The following MLLT3 variants were observed in gnomAD, a reference collection of about 807,000 sequenced individuals.
MLLT3 encodes protein AF-9.
In MLLT3, 4 loss-of-function variants were observed where a neutral mutation model predicts 53.2. That is an observed-to-expected ratio of 0.08 (90% CI 0.04 to 0.17). The LOEUF is 0.17. Ranked by LOEUF, MLLT3 falls within the 10% of genes least tolerant of loss-of-function variation. MLLT3 has a pLI of 1.00. For synonymous variants in MLLT3, 283 were observed against 230.6 expected, an observed-to-expected ratio of 1.23 and a Z score of -2.06; for missense variants, 569 against 684.0, an observed-to-expected ratio of 0.83 and a Z score of 1.87.
At chr9:20,472,390 T>C (rs1030585750) in intron 2 of MLLT3, among the ~76,000 whole-genome samples, 1 of 152,048 alleles carries the variant, frequency 6.6e-6, no homozygotes, top group Non-Finnish European at 1.5e-5. Flanking sequence ...ACATCGCACA[T>C]TTATTATACA....
At chr9:20,572,578 G>A (rs192290076) in intron 2 of MLLT3, among the ~76,000 whole-genome samples, 16 of 152,324 alleles carry the variant, frequency 1.1e-4, no homozygotes, top group Non-Finnish European at 8.8e-5. Context: ...CGAATCACTT[G>A]AGGTCAGGGA....
At chr9:20,380,538 T>G (rs1226052648) in intron 5 of MLLT3, among the ~76,000 whole-genome samples, 1 of 152,060 alleles carries the variant, frequency 6.6e-6, no homozygotes, top group Non-Finnish European at 1.5e-5. Context: ...CTACAAACCT[T>G]ACTATCCACA....
chr9:20,451,519 AT>A (rs1256737915), intron 3 of MLLT3, among the ~76,000 whole-genome samples: 1 of 152,138 alleles, frequency 6.6e-6, no homozygotes, highest in African/African-American at 2.4e-5. Context: ...CCTGAGTATG[AT>A]TTTTTTAAAG....
At chr9:20,369,678 T>C (rs1821545787) in intron 5 of MLLT3, among the ~76,000 whole-genome samples, 1 of 152,206 alleles carries the variant, frequency 6.6e-6, no homozygotes, top group Admixed American at 6.5e-5. Context: ...ATGTATTTTA[T>C]TTTTAAAATG....
intron 2 of MLLT3, among the ~76,000 whole-genome samples, chr9:20,616,616 T>A (rs1456074996): frequency 6.6e-6 from 1 of 152,176 alleles, no homozygotes; most frequent in African/African-American, 2.4e-5. Context: ...TGTATAGACA[T>A]ACGTATACTT....
chr9:20,384,724 A>C (rs1311764126), intron 5 of MLLT3, among the ~76,000 whole-genome samples: 2 of 152,110 alleles, frequency 1.3e-5, no homozygotes, highest in Non-Finnish European at 2.9e-5. Flanking sequence ...CCTGAAGATC[A>C]AAAGGCCCTG....
intron 2 of MLLT3, among the ~76,000 whole-genome samples, chr9:20,463,414 C>T (rs1488970705): frequency 1.3e-5 from 2 of 151,898 alleles, no homozygotes; most frequent in African/African-American, 4.8e-5. Flanking sequence ...AATATAACAG[C>T]TATGTTAAAA....
intron 6 of MLLT3, among the ~76,000 whole-genome samples, chr9:20,363,867 C>T (rs1821385373): frequency 6.6e-6 from 1 of 151,788 alleles, no homozygotes; most frequent in South Asian, 2.1e-4. Flanking sequence ...TATTTTTCTT[C>T]CCTAAGAAAA....
intron 10 of MLLT3, among the ~76,000 whole-genome samples, chr9:20,347,301 T>C (rs545152734): frequency 1.3e-5 from 2 of 152,298 alleles, no homozygotes; most frequent in South Asian, 4.1e-4. Flanking sequence ...TTATTACTTT[T>C]AGTTGTGTTC....
intron 5 of MLLT3, among the ~76,000 whole-genome samples, chr9:20,405,710 G>A (rs1465756101): frequency 1.3e-5 from 2 of 152,168 alleles, no homozygotes; most frequent in African/African-American, 4.8e-5. Flanking sequence ...TTAACTGCAG[G>A]AATTTATTTA....
intron 2 of MLLT3, among the ~76,000 whole-genome samples, chr9:20,615,889 A>G (rs1446221988): frequency 6.7e-6 from 1 of 149,388 alleles, no homozygotes; most frequent in African/African-American, 2.4e-5. Context: ...AAAAAAAAAA[A>G]AAGAAAAGAA....
At chr9:20,367,056 G>C (rs542498840) in intron 5 of MLLT3, among the ~76,000 whole-genome samples, 37 of 152,318 alleles carry the variant, frequency 2.4e-4, no homozygotes, top group African/African-American at 8.9e-4. Flanking sequence ...TTCATAACAA[G>C]ACCCAGACAG....
chr9:20,359,580 T>G (rs983355278), intron 8 of MLLT3, among the ~76,000 whole-genome samples: 1 of 152,250 alleles, frequency 6.6e-6, no homozygotes, highest in Non-Finnish European at 1.5e-5. Flanking sequence ...CGGATTTGCA[T>G]TATAGACAAA....
chr9:20,536,789 A>G (rs1818498713), intron 2 of MLLT3, among the ~76,000 whole-genome samples: 1 of 152,258 alleles, frequency 6.6e-6, no homozygotes, highest in South Asian at 2.1e-4. Flanking sequence ...CTACCTAGCC[A>G]AGACTATTTT....
chr9:20,422,685 G>C (rs1161601012), intron 4 of MLLT3, among the ~76,000 whole-genome samples: 1 of 152,128 alleles, frequency 6.6e-6, no homozygotes, highest in Non-Finnish European at 1.5e-5. Context: ...TATTTATTAG[G>C]AAAGACAGGC....
In MLLT3 at chr9:20,448,081, G is replaced by GT; in HGVS notation, c.420+41dup. On this transcript the variant is annotated intron_variant, in intron 4 of 10. Transcript: ENST00000380338. This position sits in a 1 kb window ranked among gnomAD's most constrained non-coding sequence, Gnocchi z 4.0. The stretch of plus-strand genomic sequence containing the variant: ...GTTTGTTTTTTTTTTTGTTGTTGTT[G>GT]TTTTTTAATAGGAATGCTTTTCACA... 6.5e-7 allele frequency: 1 copy of GT among 1,533,716 alleles called. No individual in the cohort carries two copies. Among genetic ancestry groups the GT allele is most frequent in the Non-Finnish European group, 8.8e-7 (1 of 1,134,138 alleles).
chr9:20,602,330 A>G (rs774048195), intron 2 of MLLT3, among the ~76,000 whole-genome samples: 6 of 152,172 alleles, frequency 3.9e-5, no homozygotes, highest in Non-Finnish European at 8.8e-5. Context: ...CACATAAATA[A>G]CTATACAGCA....
chr9:20,348,419 T>G (rs1820931575), intron 10 of MLLT3, among the ~76,000 whole-genome samples: 1 of 152,178 alleles, frequency 6.6e-6, no homozygotes, highest in South Asian at 2.1e-4. Context: ...CTTTCCTTCT[T>G]CCTGTGTGCA....
At chr9:20,508,499 T>A (rs1240194243) in intron 2 of MLLT3, among the ~76,000 whole-genome samples, 1 of 152,036 alleles carries the variant, frequency 6.6e-6, no homozygotes, top group Non-Finnish European at 1.5e-5. Context: ...ACCCCAGTCA[T>A]AACTGTAGGG....
Sources: gnomAD v4.1 joint callset for allele counts (sites outside exome capture counted in the v4.1 genomes callset) on GRCh38, gnomAD v4.1.1 for gene constraint, Gnocchi (gnomAD v3.1) non-coding constraint, MANE v1.5 for transcripts, NCBI Gene and HGNC (gene_info 2026-07-23, HGNC 2026-07-21) for gene names.